DOCK8: variants seen among roughly 807,000 people sequenced by gnomAD.
The protein encoded by DOCK8 is dedicator of cytokinesis 8.
DOCK8 carries 141 observed loss-of-function variants against 245.6 expected under a neutral mutation model. The ratio of observed to expected loss-of-function variants is 0.57; its 90% CI spans 0.50 to 0.66. DOCK8 has a LOEUF of 0.66. Ranked by LOEUF, DOCK8 falls within the 30% of genes least tolerant of loss-of-function variation. The pLI is 0.00. For missense variants in DOCK8, 2,965 were observed against 2,603.4 expected (o/e 1.14, Z -3.02); for synonymous variants, 1,168 against 970.2 (o/e 1.20, Z -3.79).
chr9:397,084 C>CTGT, intron 25 of DOCK8, 150 bp downstream of exon 25: 1 of 1,004,916 alleles, frequency 1.0e-6, no homozygotes, highest in African/African-American at 1.6e-5. Context: ...TGGACTGGAC[C>CTGT]CTGATGTGGG....
At chr9:431,032 C>T (rs996024083) in intron 36 of DOCK8, among the ~76,000 whole-genome samples, 3 of 107,786 alleles carry the variant, frequency 2.8e-5, no homozygotes, top group Non-Finnish European at 6.7e-5. Context: ...GCCACCTTAC[C>T]CAGCTAATTT....
intron 14 of DOCK8, among the ~76,000 whole-genome samples, chr9:341,752 C>T (rs1257016371): frequency 1.3e-5 from 2 of 152,190 alleles, no homozygotes; most frequent in Non-Finnish European, 2.9e-5. Context: ...GGTCCTTGGC[C>T]TGTTAGGAAC....
At chr9:344,260 A>G (rs1489105732) in intron 14 of DOCK8, among the ~76,000 whole-genome samples, 1 of 152,134 alleles carries the variant, frequency 6.6e-6, no homozygotes, top group Non-Finnish European at 1.5e-5. Context: ...ACCATATTTT[A>G]TAGTCTATTT....
intron 1 of DOCK8, among the ~76,000 whole-genome samples, chr9:218,110 T>C (rs1403879801): frequency 2.0e-5 from 3 of 152,172 alleles, no homozygotes; most frequent in Non-Finnish European, 4.4e-5. Flanking sequence ...AGAAATGTTT[T>C]CCCTTACGTG....
rs75894443 is a variant in DOCK8 at position 340,339 on chromosome 9, G to C, written c.1679+18G>C. On this transcript the variant is annotated intron_variant, in intron 14 of 47. Transcript: ENST00000432829. Reference sequence around the variant, plus strand: ...GTGTACAGGTAAGAAACACAGGCTCGGGCTGGGCGTGGTGGCTTACACCAT... The same window carrying C: ...GTGTACAGGTAAGAAACACAGGCTCCGGCTGGGCGTGGTGGCTTACACCAT... 6.2e-7 allele frequency: 1 copy of C among 1,613,702 alleles called. No individual in the cohort carries two copies. The highest frequency in any genetic ancestry group is 8.5e-7 in the Non-Finnish European group (1 of 1,179,838).
chr9:355,535 A>C (rs1202701360), intron 14 of DOCK8, among the ~76,000 whole-genome samples: 2 of 151,938 alleles, frequency 1.3e-5, no homozygotes, highest in African/African-American at 4.8e-5. Context: ...TCTGCAATGC[A>C]TCACTCTCTA....
intron 25 of DOCK8, among the ~76,000 whole-genome samples, chr9:398,652 G>T (rs1013022896): frequency 1.3e-5 from 2 of 152,114 alleles, no homozygotes; most frequent in East Asian, 1.9e-4. Context: ...CCTCTCTTAG[G>T]CTGGAAATGC....
At chr9:401,167 A>G (rs967502010) in intron 26 of DOCK8, among the ~76,000 whole-genome samples, 2 of 151,268 alleles carry the variant, frequency 1.3e-5, no homozygotes, top group Non-Finnish European at 2.9e-5. Flanking sequence ...AGTTTTTCCA[A>G]TTTTATGGGT....
chr9:347,472 C>G (rs2051951477), intron 14 of DOCK8, among the ~76,000 whole-genome samples: 1 of 152,156 alleles, frequency 6.6e-6, no homozygotes, highest in Admixed American at 6.5e-5. Flanking sequence ...TGCCACTGCC[C>G]TCCAGCCTGG....
intron 4 of DOCK8, among the ~76,000 whole-genome samples, chr9:301,385 C>T (rs1281437681): frequency 1.3e-5 from 2 of 152,172 alleles, no homozygotes; most frequent in African/African-American, 4.8e-5. Context: ...CCACAGCCAA[C>T]ATCATACTGA....
At position 422,105 on chromosome 9, in the gene DOCK8, A is replaced by G. The variant is rs753585237; in HGVS notation, c.4211A>G (p.His1404Arg). Residue 1404 changes from histidine to arginine, a missense_variant, in exon 33 of 48, where the codon CAT becomes CGT. His to Arg is a conservative substitution (Grantham distance 29). Around this residue, in one of 3 missense-constraint regions of DOCK8, gnomAD observed 2,825 missense variants for 2,453.5 expected, o/e 1.15. Coordinates refer to ENST00000432829, the MANE Select transcript of DOCK8 (RefSeq NM_203447.4). ...TTGAGATGGAAGAAAGAGCAGACAC[A>G]TTGGCGGCAAGCTAATGAGAAGCTA... ...ENLRWKKEQT[H>R]WRQANEKLDK... 1.2e-6 allele frequency: 2 copies of G among 1,614,108 alleles called. No homozygotes were observed. The highest frequency in any genetic ancestry group is 1.1e-5 in the South Asian group (1 of 91,088).
At chr9:335,377 A>G (rs1345075656) in intron 11 of DOCK8, among the ~76,000 whole-genome samples, 1 of 152,156 alleles carries the variant, frequency 6.6e-6, no homozygotes, top group Non-Finnish European at 1.5e-5. Context: ...ATAGAAGTCC[A>G]TGTTCACATC....
At chr9:324,948 T>A (rs552644852) in intron 7 of DOCK8, among the ~76,000 whole-genome samples, 2 of 152,124 alleles carry the variant, frequency 1.3e-5, no homozygotes, top group Non-Finnish European at 2.9e-5. Context: ...GTACCCAGTA[T>A]GTAGTTTTTT....
chr9:285,728 C>T (rs1299034058), intron 2 of DOCK8, among the ~76,000 whole-genome samples: 2 of 152,146 alleles, frequency 1.3e-5, no homozygotes, highest in African/African-American at 4.8e-5. Flanking sequence ...TTTACTCCCC[C>T]TCTTTCCAAC....
intron 33 of DOCK8, among the ~76,000 whole-genome samples, chr9:424,062 CTTTT>C (rs35430451): frequency 2.0e-5 from 3 of 147,136 alleles, no homozygotes; most frequent in Admixed American, 6.7e-5. Context: ...GGGCTTTGTG[CTTTT>C]TTTTTTTTTT....
intron 22 of DOCK8, 53 bp from the exon 23 acceptor site, chr9:386,278 G>A: frequency 6.6e-7 from 1 of 1,504,944 alleles, no homozygotes; most frequent in Non-Finnish European, 9.2e-7. Context: ...CCAGATGTCT[G>A]GCTTACCTTT....
At chr9:383,540 G>C (rs1586855292) in intron 22 of DOCK8, among the ~76,000 whole-genome samples, 1 of 151,636 alleles carries the variant, frequency 6.6e-6, no homozygotes, top group South Asian at 2.1e-4. Flanking sequence ...CTCAAAAAAA[G>C]ATACAAAACA....
chr9:215,037 G>T lies in DOCK8; in HGVS notation c.53+8G>T. 1 of 1,572,810 alleles carries T rather than the reference G, an allele frequency of 6.4e-7. No homozygotes were observed. Among genetic ancestry groups the T allele is most frequent in the Non-Finnish European group, 8.6e-7 (1 of 1,167,322 alleles). On this transcript the variant is annotated splice_region_variant and intron_variant, in intron 1 of 47. Coordinates refer to ENST00000432829, the MANE Select transcript of DOCK8 (RefSeq NM_203447.4). ...CGCGCTCAAGATCAACAGGTAAGAC[G>T]CCCCCCGCGGCGCGCAGGTTGCGGC...
chr9:416,233 T>TGA (rs2056003934), intron 29 of DOCK8, among the ~76,000 whole-genome samples: 1 of 152,208 alleles, frequency 6.6e-6, no homozygotes, highest in African/African-American at 2.4e-5. Context: ...AGCGCCTGAT[T>TGA]GCGCGGAATT....
Sources: gnomAD v4.1 joint callset for allele counts (sites outside exome capture counted in the v4.1 genomes callset) on GRCh38, gnomAD v4.1.1 for gene constraint, gnomAD v4.1.1 regional missense constraint, MANE v1.5 for transcripts, NCBI Gene and HGNC (gene_info 2026-07-23, HGNC 2026-07-21) for gene names.